Variants in MSRA observed in about 807,000 individuals in gnomAD.
The protein encoded by MSRA is mitochondrial peptide methionine sulfoxide reductase.
Under a neutral mutation model 31.3 loss-of-function variants are expected in MSRA, and 54 were observed. The ratio of observed to expected loss-of-function variants is 1.73; its 90% CI spans 1.39 to 2.17. The LOEUF (loss-of-function observed/expected upper bound fraction) is 2.17, where lower values mean the gene tolerates loss of function less well. MSRA is among the 30% of genes most tolerant of loss of function. The pLI is 0.00. For synonymous variants in MSRA, 169 were observed against 116.5 expected, an observed-to-expected ratio of 1.45 and a Z score of -2.90; for missense variants, 507 against 300.9, an observed-to-expected ratio of 1.69 and a Z score of -5.07.
chr8:10,384,464 C>T (rs1219955587), intron 5 of MSRA, among the ~76,000 whole-genome samples: 2 of 152,236 alleles, frequency 1.3e-5, no homozygotes, highest in African/African-American at 2.4e-5. Context: ...ATGTCTTTCT[C>T]TCTCCTGGTG....
chr8:10,173,963 T>C (rs73530990), intron 1 of MSRA, among the ~76,000 whole-genome samples: 8,385 of 152,116 alleles, frequency 0.055, 400 homozygotes, highest in African/African-American at 0.13. Flanking sequence ...GCATCCACAT[T>C]GAGGTGGGTG....
chr8:10,203,645 G>C (rs75363247), intron 1 of MSRA, among the ~76,000 whole-genome samples: 4,992 of 152,312 alleles, frequency 0.033, 143 homozygotes, highest in African/African-American at 0.077. Flanking sequence ...GTACATAATA[G>C]TTGATAATCA....
intron 5 of MSRA, among the ~76,000 whole-genome samples, chr8:10,425,144 G>A (rs1047223734): frequency 3.9e-5 from 6 of 152,040 alleles, no homozygotes; most frequent in East Asian, 3.9e-4. Context: ...GGCGGTGGGT[G>A]GGGGGATGGG....
chr8:10,425,177 C>G (rs1163351197), intron 5 of MSRA, among the ~76,000 whole-genome samples: 1 of 152,160 alleles, frequency 6.6e-6, no homozygotes, highest in Non-Finnish European at 1.5e-5. Flanking sequence ...GAAGGACAAC[C>G]GAAGCCTGCA....
intron 3 of MSRA, among the ~76,000 whole-genome samples, chr8:10,295,888 G>C (rs1800514017): frequency 6.6e-6 from 1 of 152,132 alleles, no homozygotes; most frequent in African/African-American, 2.4e-5. Flanking sequence ...GCCTCTCCAG[G>C]GAGGCAAGAT....
At chr8:10,403,356 G>C (rs910207486) in intron 5 of MSRA, among the ~76,000 whole-genome samples, 3 of 152,180 alleles carry the variant, frequency 2.0e-5, no homozygotes, top group Non-Finnish European at 4.4e-5. Context: ...TGGGAAGGCA[G>C]GTGCCGGGCC....
At chr8:10,249,809 G>T (rs12544785) in intron 3 of MSRA, among the ~76,000 whole-genome samples, 84,162 of 152,004 alleles carry the variant, frequency 0.55, 24,079 homozygotes, top group Non-Finnish European at 0.63. Flanking sequence ...TGTCCAAAGA[G>T]TCATCCATCC....
intron 2 of MSRA, among the ~76,000 whole-genome samples, chr8:10,243,953 A>T (rs2129081602): frequency 6.6e-6 from 1 of 152,354 alleles, no homozygotes; most frequent in Non-Finnish European, 1.5e-5. Context: ...CAAATAGAAT[A>T]TCTTTGTATA....
At chr8:10,374,399 A>G (rs553913753) in intron 5 of MSRA, among the ~76,000 whole-genome samples, 1 of 152,114 alleles carries the variant, frequency 6.6e-6, no homozygotes, top group Non-Finnish European at 1.5e-5. Context: ...ATAGCCACCA[A>G]CCTAGCACAT....
At chr8:10,115,240 G>T (rs999111874) in intron 1 of MSRA, among the ~76,000 whole-genome samples, 6 of 152,210 alleles carry the variant, frequency 3.9e-5, no homozygotes, top group Admixed American at 3.3e-4. Flanking sequence ...TATTTGTGAA[G>T]AAAAATATAT....
At chr8:10,156,174 C>T (rs1017935285) in intron 1 of MSRA, among the ~76,000 whole-genome samples, 1 of 152,056 alleles carries the variant, frequency 6.6e-6, no homozygotes, top group Non-Finnish European at 1.5e-5. Context: ...AAATAACAGC[C>T]AATTGCAGTG....
At chr8:10,284,610 G>C (rs1799833896) in intron 3 of MSRA, among the ~76,000 whole-genome samples, 1 of 152,148 alleles carries the variant, frequency 6.6e-6, no homozygotes, top group Non-Finnish European at 1.5e-5. Flanking sequence ...CTTTGACCTA[G>C]AGTCCCCTCC....
chr8:10,261,809 T>C (rs956949480), intron 3 of MSRA, among the ~76,000 whole-genome samples: 28 of 152,236 alleles, frequency 1.8e-4, no homozygotes, highest in African/African-American at 6.8e-4. Flanking sequence ...TCTACCATTA[T>C]AGAATCATGC....
rs545384501 is a variant in MSRA, at chr8:10,412,425, G to A, written c.544-15723G>A. 3.9e-5 allele frequency among the ~76,000 whole-genome samples: 6 copies of A among 152,356 alleles called. No homozygotes were observed. In the East Asian group the frequency reaches 1.2e-3, roughly 29 times the overall value. On this transcript the variant is annotated intron_variant, in intron 5 of 5. Coordinates refer to ENST00000317173, the MANE Select transcript of MSRA (RefSeq NM_012331.5). ...AAAAGTTGCTTTCAGAGCTACATGG[G>A]AATGAATGTGGACCTGCAGAGATAT...
intron 2 of MSRA, among the ~76,000 whole-genome samples, chr8:10,217,951 G>T (rs1810145115): frequency 2.0e-5 from 3 of 151,644 alleles, no homozygotes; most frequent in Admixed American, 6.6e-5. Flanking sequence ...ATTTATTTAA[G>T]AAATTAAATA....
At chr8:10,341,413 C>G (rs539316402) in intron 5 of MSRA, among the ~76,000 whole-genome samples, 3 of 152,094 alleles carry the variant, frequency 2.0e-5, no homozygotes, top group African/African-American at 7.2e-5. Flanking sequence ...GAGTGAAAGC[C>G]GACTTATCAC....
intron 5 of MSRA, among the ~76,000 whole-genome samples, chr8:10,364,883 A>T (rs1474371522): frequency 2.0e-5 from 3 of 152,208 alleles, no homozygotes; most frequent in Non-Finnish European, 2.9e-5. Context: ...GTCTTTCCCT[A>T]AACTGTGAAT....
intron 1 of MSRA, among the ~76,000 whole-genome samples, chr8:10,114,385 A>T (rs985475390): frequency 6.6e-6 from 1 of 152,216 alleles, no homozygotes; most frequent in Non-Finnish European, 1.5e-5. Flanking sequence ...TTGGCAACCT[A>T]TGTTTAACTT....
At chr8:10,221,089 T>C (rs1719750914) in intron 2 of MSRA, among the ~76,000 whole-genome samples, 1 of 152,154 alleles carries the variant, frequency 6.6e-6, no homozygotes, top group Non-Finnish European at 1.5e-5. Context: ...GAAAGCCCAA[T>C]AGCATGGAGT....
Sources: allele counts gnomAD v4.1 joint callset (sites outside exome capture counted in the v4.1 genomes callset), GRCh38; gene constraint gnomAD v4.1.1; transcripts MANE v1.5; gene names NCBI Gene and HGNC (gene_info 2026-07-23, HGNC 2026-07-21).